The following MICU1 variants were observed in gnomAD, a reference collection of about 807,000 sequenced individuals.
MICU1 encodes the protein calcium uptake protein 1, mitochondrial.
MICU1 carries 45 observed loss-of-function variants against 56.8 expected under a neutral mutation model. That is an observed-to-expected ratio of 0.79 (90% CI 0.62 to 1.02). The LOEUF (loss-of-function observed/expected upper bound fraction) is 1.02. Ranked by LOEUF, MICU1 falls within the 50% of genes least tolerant of loss-of-function variation. The probability of loss-of-function intolerance (pLI) is 0.00; values close to 1 mark genes in which losing one functional copy is unlikely to be tolerated. For missense variants in MICU1, 504 were observed against 587.1 expected (o/e 0.86, Z 1.46); for synonymous variants, 186 against 195.1 (o/e 0.95, Z 0.39).
chr10:72,507,999 T>G (rs1356951671), intron 6 of MICU1, among the ~76,000 whole-genome samples, 156 bp downstream of exon 6: 2 of 152,246 alleles, frequency 1.3e-5, no homozygotes, highest in Non-Finnish European at 2.9e-5. Flanking sequence ...ATACCCAAGT[T>G]ACAGTAAATT....
At chr10:72,533,018 T>G in intron 5 of MICU1, 1 of 1,289,142 alleles carries the variant, frequency 7.8e-7, no homozygotes, top group East Asian at 5.5e-5. Context: ...TCCATGATTG[T>G]CCTTCTGACT....
At chr10:72,551,766 C>T (rs574720095) in intron 3 of MICU1, among the ~76,000 whole-genome samples, 1 of 152,082 alleles carries the variant, frequency 6.6e-6, no homozygotes, top group African/African-American at 2.4e-5. Flanking sequence ...TACAATCCTT[C>T]CCAGAAGAAT....
At chr10:72,606,130 CAAAA>C (rs11317547) in intron 1 of MICU1, among the ~76,000 whole-genome samples, 1 of 124,142 alleles carries the variant, frequency 8.1e-6, no homozygotes. Flanking sequence ...GACTCCATCT[CAAAA>C]AAAAAAAAAA....
intron 8 of MICU1, among the ~76,000 whole-genome samples, chr10:72,441,809 G>A (rs1170638941): frequency 2.6e-5 from 4 of 151,604 alleles, no homozygotes; most frequent in East Asian, 1.9e-4. Context: ...GTAGAGATGC[G>A]GTTTCACCAT....
chr10:72,392,077 T>C (rs115188965), intron 10 of MICU1: 38 of 152,402 alleles, frequency 2.5e-4, no homozygotes, highest in African/African-American at 9.1e-4. Flanking sequence ...TTGATGATGA[T>C]TTAAAAATAA....
intron 1 of MICU1, among the ~76,000 whole-genome samples, chr10:72,615,341 C>A (rs113984171): frequency 0.053 from 8,067 of 152,204 alleles, 731 homozygotes; most frequent in African/African-American, 0.18. Flanking sequence ...TAGTCTTGAA[C>A]TCCTGACCTC....
At chr10:72,507,264 C>T (rs1867283894) in intron 6 of MICU1, among the ~76,000 whole-genome samples, 1 of 151,548 alleles carries the variant, frequency 6.6e-6, no homozygotes, top group Non-Finnish European at 1.5e-5. Context: ...GAGCTATGAA[C>T]ATAACATTTT....
At chr10:72,461,490 T>A (rs1250478397) in intron 8 of MICU1, among the ~76,000 whole-genome samples, 2 of 152,270 alleles carry the variant, frequency 1.3e-5, no homozygotes, top group Non-Finnish European at 2.9e-5. Context: ...TTGTACCATA[T>A]ACATATCTCT....
chr10:72,489,256 A>C (rs914538846), intron 6 of MICU1, among the ~76,000 whole-genome samples: 1 of 150,338 alleles, frequency 6.7e-6, no homozygotes, highest in Non-Finnish European at 1.5e-5. Context: ...GTGCCACTGC[A>C]CCACTCTAGC....
At chr10:72,488,366 AACTAAGATT>A (rs1415561897) in intron 6 of MICU1, among the ~76,000 whole-genome samples, 1 of 152,130 alleles carries the variant, frequency 6.6e-6, no homozygotes, top group African/African-American at 2.4e-5. Context: ...ATTTATCTGA[AACTAAGATT>A]TACCATATGC....
At position 72,563,101 on chromosome 10, in the gene MICU1, C is replaced by T. The variant is rs76016694; in HGVS notation, c.162-38G>A. On this transcript the variant is annotated intron_variant, in intron 2 of 11. Coordinates refer to ENST00000361114, the MANE Select transcript of MICU1 (RefSeq NM_001195518.2). ...AAAAGAAATCTAGATTAATCTTGAA[C>T]GTCCATCATACTAGACAAATAAGCA... 6,000 of 1,432,112 alleles carry T rather than the reference C, an allele frequency of 4.2e-3. 12 individuals carry two copies. The highest frequency in any genetic ancestry group is 4.8e-3 in the Non-Finnish European group (5,165 of 1,084,874). 88.7% of individuals were successfully genotyped at this position (1,432,112 alleles called of 1,614,324 possible).
chr10:72,512,716 T>TTGTTTTGTTTTG (rs1564911867), intron 5 of MICU1, among the ~76,000 whole-genome samples: 40 of 151,614 alleles, frequency 2.6e-4, no homozygotes, highest in African/African-American at 9.2e-4. Flanking sequence ...TTGTTTTGTT[T>TTGTTTTGTTTTG]TGAGACAGTG....
Position 72,559,547 on chromosome 10 carries a change from C to T in MICU1, c.330+3348G>A, listed in dbSNP as rs766744855. On this transcript the variant is annotated intron_variant, in intron 3 of 11. Transcript: ENST00000361114. ...AAATATAAATGAAAAATGAGAGGGC[C>T]GGGCACAGTGGCTCATGCCTGTAAT... Among the ~76,000 whole-genome samples the T allele has an allele frequency of 2.1e-4, 32 of 151,850 alleles. 1 individual carries two copies. In the Middle Eastern group the frequency reaches 0.01, roughly 48 times the overall value.
intron 8 of MICU1, chr10:72,473,311 A>T (rs1003126566): frequency 6.6e-6 from 1 of 152,160 alleles, no homozygotes. Context: ...GCAAAGTGAA[A>T]ATTGTAATAA....
At chr10:72,458,472 A>C (rs1008667833) in intron 8 of MICU1, among the ~76,000 whole-genome samples, 9 of 152,138 alleles carry the variant, frequency 5.9e-5, no homozygotes, top group Admixed American at 4.6e-4. Context: ...TACCGCATTT[A>C]TTTTTCCAGT....
chr10:72,614,940 A>G lies in MICU1; in HGVS notation c.-2+11070T>C, dbSNP rs142988814. ...TGTGCTAAAATATACATAACAGAAA[A>G]TTGACGATTTTGACCACTTTTAAGC... On this transcript the variant is annotated intron_variant, in intron 1 of 11. Coordinates refer to ENST00000361114, the MANE Select transcript of MICU1 (RefSeq NM_001195518.2). Among the ~76,000 whole-genome samples the G allele has an allele frequency of 1.6e-4, 25 of 152,352 alleles. No homozygotes were observed. The East Asian group carries it at 4.6e-3, about 28-fold the overall frequency.
Position 72,424,156 on chromosome 10 carries a change from A to G in MICU1, c.934-785T>C, listed in dbSNP as rs2132139964. 3.3e-5 allele frequency among the ~76,000 whole-genome samples: 5 copies of G among 149,328 alleles called. No individual in the cohort carries two copies. In the South Asian group the frequency reaches 1.0e-3, roughly 31 times the overall value. ...TAAGACGGAGTTTCACTCATCATCC[A>G]GGCTGGAGTGCAATGGTGCGATCTT... On this transcript the variant is annotated intron_variant, in intron 8 of 11. Transcript: ENST00000361114.
chr10:72,484,780 G>A (rs1484098111), intron 6 of MICU1, among the ~76,000 whole-genome samples: 1 of 152,086 alleles, frequency 6.6e-6, no homozygotes, highest in Admixed American at 6.6e-5. Flanking sequence ...TCCCAGCCTC[G>A]AAAGTGAAGT....
At chr10:72,598,741 C>A (rs189200614) in intron 1 of MICU1, among the ~76,000 whole-genome samples, 5 of 151,916 alleles carry the variant, frequency 3.3e-5, no homozygotes, top group Admixed American at 2.6e-4. Flanking sequence ...TGAAGAATAA[C>A]CCCAAAAAAT....
Sources: gnomAD v4.1 joint callset for allele counts (sites outside exome capture counted in the v4.1 genomes callset) on GRCh38, gnomAD v4.1.1 for gene constraint, MANE v1.5 for transcripts, NCBI Gene and HGNC (gene_info 2026-07-23, HGNC 2026-07-21) for gene names.